TBC1D8: variants seen among roughly 807,000 people sequenced by gnomAD.
The protein encoded by TBC1D8 is BUB2-like protein 1.
TBC1D8 carries 65 observed loss-of-function variants against 118.8 expected under a neutral mutation model. The ratio of observed to expected loss-of-function variants is 0.55; its 90% CI spans 0.45 to 0.67. The LOEUF is 0.67. TBC1D8 is among the 30% of genes least tolerant of loss of function. The pLI is 0.00. For missense variants in TBC1D8, 1,376 were observed against 1,471.2 expected (o/e 0.94, Z 1.06); for synonymous variants, 566 against 595.8 (o/e 0.95, Z 0.73).
intron 5 of TBC1D8, among the ~76,000 whole-genome samples, chr2:101,044,295 T>C (rs868501056): frequency 6.6e-6 from 1 of 152,234 alleles, no homozygotes; most frequent in Admixed American, 6.5e-5. Context: ...ACAAGATAGT[T>C]AAATTTCCAG....
chr2:101,015,189 G>A (rs769412254), intron 17 of TBC1D8, among the ~76,000 whole-genome samples: 11 of 152,092 alleles, frequency 7.2e-5, no homozygotes, highest in Non-Finnish European at 1.3e-4. Flanking sequence ...AATGGTAGCT[G>A]TGTATCTAAA....
rs1328686651 is a variant in TBC1D8 at position 101,122,712 on chromosome 2, G to A, written c.127+28415C>T. ...AACCGAAATGAATTGAAAACTCATAGACTATTTGAGTTTTCAATTAAAGGA... is the reference window on the plus strand; with the variant it reads ...AACCGAAATGAATTGAAAACTCATAAACTATTTGAGTTTTCAATTAAAGGA... On this transcript the variant is annotated intron_variant, in intron 1 of 19. Transcript: ENST00000409318. Among the ~76,000 whole-genome samples the A allele has an allele frequency of 2.6e-5, 4 of 152,068 alleles. No homozygotes were observed. The East Asian group carries it at 5.8e-4, about 22-fold the overall frequency.
At chr2:101,038,297 C>T (rs1481841483) in intron 7 of TBC1D8, among the ~76,000 whole-genome samples, 164 bp downstream of exon 7, 1 of 152,118 alleles carries the variant, frequency 6.6e-6, no homozygotes, top group African/African-American at 2.4e-5. Flanking sequence ...GGGGCAATTC[C>T]CCACACCCTC....
chr2:101,037,770 C>G (rs75575921), intron 7 of TBC1D8, 62 bp from the exon 8 acceptor site: 4 of 1,596,366 alleles, frequency 2.5e-6, no homozygotes, highest in Middle Eastern at 1.7e-4. Context: ...TGGCTTTAGT[C>G]GAGGGGACAG....
chr2:101,085,813 T>C (rs936277458), intron 2 of TBC1D8, among the ~76,000 whole-genome samples: 6 of 152,054 alleles, frequency 3.9e-5, no homozygotes, highest in African/African-American at 1.2e-4. Flanking sequence ...TAAAAGGATG[T>C]TGGAAATCTA....
At chr2:101,117,874 C>CTTTT (rs35760018) in intron 1 of TBC1D8, among the ~76,000 whole-genome samples, 2 of 116,196 alleles carry the variant, frequency 1.7e-5, no homozygotes, top group Non-Finnish European at 3.4e-5. Flanking sequence ...CGCACCCGGC[C>CTTTT]TTTTTTTTTT....
chr2:101,071,332 G>A (rs1674417260), intron 2 of TBC1D8, among the ~76,000 whole-genome samples: 1 of 151,594 alleles, frequency 6.6e-6, no homozygotes, highest in South Asian at 2.1e-4. Flanking sequence ...GCGACACAGC[G>A]AGACTCCGTC....
intron 1 of TBC1D8, among the ~76,000 whole-genome samples, chr2:101,133,950 C>T (rs1325240491): frequency 1.3e-5 from 2 of 152,064 alleles, no homozygotes; most frequent in African/African-American, 4.8e-5. Flanking sequence ...ACTTATAAAA[C>T]CATCAGATCT....
chr2:101,107,075 T>C (rs1677269509), intron 1 of TBC1D8, among the ~76,000 whole-genome samples: 1 of 152,196 alleles, frequency 6.6e-6, no homozygotes, highest in Non-Finnish European at 1.5e-5. Context: ...AGCATCAGTA[T>C]ATTGTAAATG....
intron 5 of TBC1D8, 62 bp downstream of exon 5, chr2:101,050,339 G>T: frequency 6.4e-7 from 1 of 1,560,998 alleles, no homozygotes; most frequent in Non-Finnish European, 8.7e-7. Context: ...GTACATAAGG[G>T]ATGGGCACAG....
At chr2:101,057,651 T>A (rs998904508) in intron 3 of TBC1D8, among the ~76,000 whole-genome samples, 1 of 152,104 alleles carries the variant, frequency 6.6e-6, no homozygotes, top group South Asian at 2.1e-4. Context: ...TAATGAGACT[T>A]CGTCTCTACA....
At chr2:101,115,285 A>T (rs1008698982) in intron 1 of TBC1D8, among the ~76,000 whole-genome samples, 3 of 152,238 alleles carry the variant, frequency 2.0e-5, no homozygotes, top group Admixed American at 6.5e-5. Context: ...AATTAGAAAA[A>T]AATCAAATGA....
chr2:101,141,474 C>G (rs369601699), intron 1 of TBC1D8, among the ~76,000 whole-genome samples: 4 of 152,280 alleles, frequency 2.6e-5, no homozygotes, highest in Admixed American at 2.6e-4. Flanking sequence ...AGGCTCCAAT[C>G]TAGACTGAAC....
At chr2:101,018,879 A>G in intron 17 of TBC1D8, 1 of 1,318,598 alleles carries the variant, frequency 7.6e-7, no homozygotes, top group Non-Finnish European at 1.0e-6. Context: ...CAAAATGGCC[A>G]ATATCCGTAG....
At chr2:101,035,959 G>T in intron 9 of TBC1D8, 59 bp downstream of exon 9, 1 of 1,592,646 alleles carries the variant, frequency 6.3e-7, no homozygotes, top group South Asian at 1.1e-5. Flanking sequence ...TCGGGTCCGG[G>T]CTGTTCCTGT....
chr2:101,043,542 GA>G (rs1359806476), intron 5 of TBC1D8, among the ~76,000 whole-genome samples: 1 of 152,220 alleles, frequency 6.6e-6, no homozygotes, highest in Non-Finnish European at 1.5e-5. Context: ...AAGCCAAAGT[GA>G]ATACATGGTG....
intron 1 of TBC1D8, among the ~76,000 whole-genome samples, chr2:101,137,372 G>A (rs909096707): frequency 2.6e-5 from 4 of 151,492 alleles, no homozygotes; most frequent in East Asian, 3.9e-4. Flanking sequence ...GAGTGCAGTG[G>A]CATGATCTCG....
intron 1 of TBC1D8, among the ~76,000 whole-genome samples, chr2:101,133,653 C>G (rs966223862): frequency 3.9e-4 from 60 of 152,102 alleles, no homozygotes; most frequent in African/African-American, 1.4e-3. Flanking sequence ...GCACTAATCA[C>G]AATCAGGAAG....
At chr2:101,133,573 A>T (rs930431828) in intron 1 of TBC1D8, among the ~76,000 whole-genome samples, 1 of 152,182 alleles carries the variant, frequency 6.6e-6, no homozygotes, top group African/African-American at 2.4e-5. Context: ...GGGTTCACAG[A>T]TGGTGGCTTC....
Sources: gnomAD v4.1 joint callset for allele counts (sites outside exome capture counted in the v4.1 genomes callset) on GRCh38, gnomAD v4.1.1 for gene constraint, MANE v1.5 for transcripts, NCBI Gene and HGNC (gene_info 2026-07-23, HGNC 2026-07-21) for gene names.